Variants in CDH4 observed in about 807,000 individuals in gnomAD.
The protein encoded by CDH4 is cadherin 4.
In CDH4, 33 loss-of-function variants were observed where a neutral mutation model predicts 86.0. That is an observed-to-expected ratio of 0.38 (90% CI 0.29 to 0.51). The LOEUF is 0.51. Ranked by LOEUF, CDH4 falls within the 20% of genes least tolerant of loss-of-function variation. CDH4 has a pLI of 0.86. For missense variants in CDH4, 1,114 were observed against 1,307.4 expected, an observed-to-expected ratio of 0.85 and a Z score of 2.28; for synonymous variants, 555 against 549.4, an observed-to-expected ratio of 1.01 and a Z score of -0.14.
At chr20:61,753,868 A>G (rs2088527544) in intron 3 of CDH4, among the ~76,000 whole-genome samples, 1 of 152,200 alleles carries the variant, frequency 6.6e-6, no homozygotes, top group South Asian at 2.1e-4. Context: ...TATGTCCCCT[A>G]AAATTCAGGT....
intron 9 of CDH4, among the ~76,000 whole-genome samples, chr20:61,919,746 C>G (rs911207501): frequency 6.0e-5 from 9 of 150,272 alleles, no homozygotes; most frequent in African/African-American, 2.2e-4. Context: ...TGCGTGGAAG[C>G]ATGTCATGGT....
intron 2 of CDH4, among the ~76,000 whole-genome samples, chr20:61,511,540 C>T (rs974213379): frequency 6.6e-6 from 1 of 152,268 alleles, no homozygotes; most frequent in Non-Finnish European, 1.5e-5. Flanking sequence ...AAGCTTCTCT[C>T]TGCTTTGACC....
At chr20:61,387,173 CACACACACACACAG>C (rs2084956053) in intron 2 of CDH4, among the ~76,000 whole-genome samples, 1 of 140,634 alleles carries the variant, frequency 7.1e-6, no homozygotes, top group Non-Finnish European at 1.6e-5. Context: ...CCTAATATGA[CACACACACACACAG>C]ACACACACAC....
At chr20:61,419,664 C>A (rs562157577) in intron 2 of CDH4, among the ~76,000 whole-genome samples, 30 of 152,110 alleles carry the variant, frequency 2.0e-4, no homozygotes, top group Non-Finnish European at 3.5e-4. Flanking sequence ...TCTCTTCCCC[C>A]AAAGCCAAGG....
At chr20:61,378,992 C>T (rs1050937113) in intron 2 of CDH4, among the ~76,000 whole-genome samples, 4 of 152,188 alleles carry the variant, frequency 2.6e-5, no homozygotes, top group African/African-American at 7.2e-5. Context: ...CTCCCTTCCT[C>T]GCTGTTTGAC....
intron 2 of CDH4, among the ~76,000 whole-genome samples, chr20:61,550,574 G>A (rs567058181): frequency 6.7e-6 from 1 of 150,208 alleles, no homozygotes; most frequent in East Asian, 2.0e-4. Context: ...CTGCCCTTGT[G>A]TTCATCCTTC....
chr20:61,687,074 G>A (rs1011999013), intron 2 of CDH4, among the ~76,000 whole-genome samples: 1 of 152,118 alleles, frequency 6.6e-6, no homozygotes, highest in Non-Finnish European at 1.5e-5. Flanking sequence ...ACGGTGGCAG[G>A]TGATTGATTA....
At chr20:61,654,795 G>A (rs148532662) in intron 2 of CDH4, among the ~76,000 whole-genome samples, 2,733 of 152,348 alleles carry the variant, frequency 0.018, 32 homozygotes, top group African/African-American at 0.032. Flanking sequence ...TAAACCAGTG[G>A]GCAGAGCTCT....
intron 2 of CDH4, among the ~76,000 whole-genome samples, chr20:61,729,370 A>G (rs1385050838): frequency 1.3e-5 from 2 of 152,162 alleles, no homozygotes; most frequent in Non-Finnish European, 2.9e-5. Flanking sequence ...TTTTGTGTAA[A>G]TACCTGCCTC....
At chr20:61,750,582 G>A (rs1373442712) in intron 3 of CDH4, among the ~76,000 whole-genome samples, 1 of 152,194 alleles carries the variant, frequency 6.6e-6, no homozygotes, top group Non-Finnish European at 1.5e-5. Flanking sequence ...TACAAAAAGA[G>A]GAATTGCTCT....
chr20:61,575,579 G>C (rs993403197), intron 2 of CDH4, among the ~76,000 whole-genome samples: 4 of 152,252 alleles, frequency 2.6e-5, no homozygotes, highest in Non-Finnish European at 4.4e-5. Flanking sequence ...CTATAGAACA[G>C]GGCTTAGCAA....
chr20:61,600,735 TA>T (rs1372459233), intron 2 of CDH4, among the ~76,000 whole-genome samples: 2 of 152,272 alleles, frequency 1.3e-5, no homozygotes, highest in East Asian at 3.8e-4. Context: ...TTGTATACTT[TA>T]AATCAACTCT....
At chr20:61,542,860 T>A (rs532445793) in intron 2 of CDH4, among the ~76,000 whole-genome samples, 1 of 152,332 alleles carries the variant, frequency 6.6e-6, no homozygotes, top group East Asian at 1.9e-4. Context: ...ATAGGCTGTG[T>A]GCACGCTAAG....
chr20:61,359,430 G>A (rs1338806745), intron 2 of CDH4, among the ~76,000 whole-genome samples: 3 of 152,192 alleles, frequency 2.0e-5, no homozygotes, highest in Non-Finnish European at 4.4e-5. Flanking sequence ...TGGGAGCACC[G>A]CTGTGAAGCT....
intron 9 of CDH4, among the ~76,000 whole-genome samples, chr20:61,921,318 G>A (rs2054980865): frequency 6.6e-6 from 1 of 152,298 alleles, no homozygotes; most frequent in Non-Finnish European, 1.5e-5. Flanking sequence ...TGATTGCATG[G>A]AAGCATGGTG....
In CDH4 at chr20:61,790,682, ATCTCTCCATCCATCCATTTG is replaced by A. The variant is rs569313501; in HGVS notation, c.576+17514_576+17533del. Among the ~76,000 whole-genome samples, 86 of 147,584 alleles carry A rather than the reference ATCTCTCCATCCATCCATTTG, an allele frequency of 5.8e-4. 3 individuals carry two copies. The South Asian group carries it at 0.016, about 28-fold the overall frequency. ...TCACCCACCCACCATCCATCCATTC[ATCTCTCCATCCATCCATTTG>A]TCTCTCCATCCATTCATCTCTCCAC... On this transcript the variant is annotated intron_variant, in intron 4 of 15. Transcript: ENST00000614565.
At chr20:61,560,192 C>T (rs201141886) in intron 2 of CDH4, among the ~76,000 whole-genome samples, 3 of 152,270 alleles carry the variant, frequency 2.0e-5, no homozygotes, top group East Asian at 3.9e-4. Flanking sequence ...ACAGTGAATC[C>T]CCCCACCTGC....
At chr20:61,586,872 TATTTA>T (rs1301648569) in intron 2 of CDH4, among the ~76,000 whole-genome samples, 34 of 152,286 alleles carry the variant, frequency 2.2e-4, no homozygotes, top group Middle Eastern at 6.8e-3. Context: ...TGAGGCACAT[TATTTA>T]ATTTATCATT....
intron 2 of CDH4, among the ~76,000 whole-genome samples, chr20:61,298,308 G>C (rs575418076): frequency 6.6e-6 from 1 of 152,120 alleles, no homozygotes; most frequent in South Asian, 2.1e-4. Context: ...TGTAATTCTC[G>C]GGGATTAGAC....
Sources: allele counts gnomAD v4.1 joint callset (sites outside exome capture counted in the v4.1 genomes callset), GRCh38; gene constraint gnomAD v4.1.1; transcripts MANE v1.5; gene names NCBI Gene and HGNC (gene_info 2026-07-23, HGNC 2026-07-21).